The following PRUNE2 variants were observed in gnomAD, a reference collection of about 807,000 sequenced individuals.
PRUNE2 encodes prune homolog 2 with BCH domain.
In PRUNE2, 164 loss-of-function variants were observed where a neutral mutation model predicts 252.0. The ratio of observed to expected loss-of-function variants is 0.65; its 90% confidence interval spans 0.57 to 0.74. The LOEUF (loss-of-function observed/expected upper bound fraction) is 0.74, where lower values mean the gene tolerates loss of function less well. Among genes scored for constraint, PRUNE2 ranks in the 30% least tolerant of loss-of-function variants. The pLI is 0.00. For synonymous variants in PRUNE2, 1,292 were observed against 1,350.2 expected (o/e 0.96, Z 0.94); for missense variants, 3,495 against 3,711.0 (o/e 0.94, Z 1.51).
intron 3 of PRUNE2, 143 bp from the exon 4 acceptor site, chr9:76,846,821 G>C (rs2059693943): frequency 1.6e-6 from 1 of 629,944 alleles, no homozygotes; most frequent in Non-Finnish European, 2.7e-6. Context: ...TCAGAAGACG[G>C]GAGCCTTATT....
rs11144998 is a variant in PRUNE2 at position 76,661,522 on chromosome 9, C to T, written c.8277-6020G>A. ...CCTCCCAAAGTGCTGGGATTACAGG[C>T]ATGAGCCACTGCACCTGGCCAGCAT... On this transcript the variant is annotated intron_variant, in intron 9 of 18. Coordinates refer to ENST00000376718, the MANE Select transcript of PRUNE2 (RefSeq NM_015225.3). Among the ~76,000 whole-genome samples, 520 of 152,284 alleles carry T rather than the reference C, an allele frequency of 3.4e-3. 17 individuals carry two copies. The East Asian group carries it at 0.058, about 17-fold the overall frequency.
chr9:76,767,631 G>A (rs2052560871), intron 6 of PRUNE2, among the ~76,000 whole-genome samples: 1 of 151,968 alleles, frequency 6.6e-6, no homozygotes, highest in East Asian at 1.9e-4. Flanking sequence ...CTTCTTTGTT[G>A]ACTTCTCATC....
intron 4 of PRUNE2, among the ~76,000 whole-genome samples, chr9:76,837,506 G>A (rs1041841175): frequency 6.9e-5 from 10 of 145,242 alleles, no homozygotes; most frequent in Non-Finnish European, 1.5e-4. Context: ...TACACTGATT[G>A]AGGAGCAGGA....
At chr9:76,747,721 A>C (rs1481856354) in intron 6 of PRUNE2, among the ~76,000 whole-genome samples, 1 of 152,142 alleles carries the variant, frequency 6.6e-6, no homozygotes, top group Non-Finnish European at 1.5e-5. Flanking sequence ...GGATGACAAC[A>C]AATCCCACTG....
chr9:76,771,831 A>G (rs1226644042), intron 6 of PRUNE2, among the ~76,000 whole-genome samples: 1 of 152,198 alleles, frequency 6.6e-6, no homozygotes, highest in East Asian at 1.9e-4. Flanking sequence ...AAAAGCCACC[A>G]ACCACTCAGG....
Position 76,838,205 on chromosome 9 carries a change from C to T in PRUNE2, c.508+8310G>A, listed in dbSNP as rs916504127. Among the ~76,000 whole-genome samples the T allele has an allele frequency of 4.2e-4, 63 of 149,346 alleles. 1 individual carries two copies. The highest frequency in any genetic ancestry group is 1.5e-3 in the African/African-American group (60 of 40,500). ...TACTGCATGCATTTTTGTAAGCCTC[C>T]TCAAATATTTTATGGAAGAAGGAAG... On this transcript the variant is annotated intron_variant, in intron 4 of 18. Transcript: ENST00000376718.
intron 6 of PRUNE2, among the ~76,000 whole-genome samples, chr9:76,731,029 A>G (rs559762168): frequency 1.6e-4 from 25 of 152,326 alleles, no homozygotes; most frequent in Non-Finnish European, 2.8e-4. Context: ...GCAGGATCTC[A>G]ATATGATAGA....
At chr9:76,836,729 C>A (rs563184464) in intron 4 of PRUNE2, among the ~76,000 whole-genome samples, 1 of 152,172 alleles carries the variant, frequency 6.6e-6, no homozygotes, top group Non-Finnish European at 1.5e-5. Context: ...CAAATTATTT[C>A]TATTTTGTTA....
At chr9:76,856,992 A>G (rs1267074880) in intron 1 of PRUNE2, 8 of 446,612 alleles carry the variant, frequency 1.8e-5, no homozygotes, top group Non-Finnish European at 3.6e-5. Flanking sequence ...GACCTCAGGT[A>G]ATCCACCCGC....
rs2046372440 is a variant in PRUNE2, at chr9:76,707,188, C to G, written c.5086G>C (p.Glu1696Gln). The change falls in exon 8 of 19, where the codon GAG becomes CAG. Residue 1696 changes from glutamate (E) to glutamine (Q), a missense_variant. Coordinates refer to ENST00000376718, the MANE Select transcript of PRUNE2 (RefSeq NM_015225.3). ...GSDDDSVGGE[E>Q]SIEEEIQVAN... ...ACCTGGATCTCTTCCTCTATTGACT[C>G]TTCACCACCGACACTGTCATCATCA... is the stretch of plus-strand genomic sequence containing the variant. 4.3e-6 allele frequency: 7 copies of G among 1,614,002 alleles called. No homozygotes were observed. The highest frequency in any genetic ancestry group is 5.9e-6 in the Non-Finnish European group (7 of 1,179,886).
rs750679010 is a variant in PRUNE2, at chr9:76,709,675, TG to T, written c.2598del (p.Lys867ArgfsTer37). 3.2e-5 allele frequency: 52 copies of T among 1,614,030 alleles called. No homozygotes were observed. The highest frequency in any genetic ancestry group is 4.4e-5 in the Non-Finnish European group (52 of 1,179,884). On this transcript the variant is annotated frameshift_variant, in exon 8 of 19. Coordinates refer to ENST00000376718, the MANE Select transcript of PRUNE2 (RefSeq NM_015225.3). LOFTEE classifies it high-confidence loss of function. ...INNEAAPEIW[G>X]KKNNDSRDHI... ...TGATCCCTGGAGTCATTGTTTTTCT[TG>T]CCCCAGATTTCTGGAGCTGCTTCAT...
chr9:76,866,942 T>C (rs1165302928), intron 1 of PRUNE2, among the ~76,000 whole-genome samples: 1 of 152,174 alleles, frequency 6.6e-6, no homozygotes, highest in Non-Finnish European at 1.5e-5. Flanking sequence ...GTGCACATTC[T>C]TGACAACGGG....
chr9:76,765,807 A>G (rs1454746221), intron 6 of PRUNE2, among the ~76,000 whole-genome samples: 1 of 152,130 alleles, frequency 6.6e-6, no homozygotes, highest in African/African-American at 2.4e-5. Flanking sequence ...CACTTTCCTT[A>G]TCTATGAAAT....
chr9:76,850,528 G>C lies in PRUNE2; in HGVS notation c.279C>G (p.Asn93Lys). The C allele has an allele frequency of 1.2e-6, 2 of 1,613,892 alleles. No homozygotes were observed. The highest frequency in any genetic ancestry group is 2.2e-5 in the South Asian group (2 of 91,076). Residue 93 changes from asparagine to lysine, a missense_variant, in exon 3 of 19, where the codon AAC becomes AAG. Transcript: ENST00000376718. ...ESFHIFRDEINLHQLNDEGKL... is the reference protein window; with the variant it reads ...ESFHIFRDEIKLHQLNDEGKL... ...TCCCTTCATCATTTAGCTGATGCAG[G>C]TTAATTTCATCCCGGAATATGTGGA...
chr9:76,766,875 A>C (rs1451119167), intron 6 of PRUNE2, among the ~76,000 whole-genome samples: 1 of 152,068 alleles, frequency 6.6e-6, no homozygotes, highest in South Asian at 2.1e-4. Context: ...GTCACTGTCA[A>C]CTCATACACA....
intron 6 of PRUNE2, chr9:76,759,332 C>G (rs1225520164): frequency 6.6e-6 from 1 of 152,268 alleles, no homozygotes; most frequent in Admixed American, 6.5e-5. Context: ...CACCCTCAAT[C>G]CTGGAAACCC....
At chr9:76,732,221 A>G (rs1293738511) in intron 6 of PRUNE2, among the ~76,000 whole-genome samples, 1 of 152,186 alleles carries the variant, frequency 6.6e-6, no homozygotes, top group East Asian at 1.9e-4. Flanking sequence ...CTGAGGCAGG[A>G]GAATGGCTCC....
intron 6 of PRUNE2, among the ~76,000 whole-genome samples, chr9:76,727,236 G>C (rs2048177827): frequency 6.6e-6 from 1 of 152,140 alleles, no homozygotes; most frequent in East Asian, 1.9e-4. Context: ...CACTGCTTTA[G>C]AGAAAAACAG....
chr9:76,893,714 A>G (rs2062634054), intron 1 of PRUNE2, among the ~76,000 whole-genome samples: 11 of 152,258 alleles, frequency 7.2e-5, no homozygotes. Context: ...CATAAGGCTC[A>G]AAGTGATCTA....
Sources: allele counts gnomAD v4.1 joint callset (sites outside exome capture counted in the v4.1 genomes callset), GRCh38; gene constraint gnomAD v4.1.1; transcripts MANE v1.5; gene names NCBI Gene and HGNC (gene_info 2026-07-23, HGNC 2026-07-21).